The following KALRN variants were observed in gnomAD, a reference collection of about 807,000 sequenced individuals.
KALRN encodes kalirin RhoGEF kinase, also known as kalirin.
KALRN carries 70 observed loss-of-function variants against 353.7 expected under a neutral mutation model. The ratio of observed to expected loss-of-function variants is 0.20; its 90% CI spans 0.16 to 0.24. The LOEUF (loss-of-function observed/expected upper bound fraction) is 0.24. KALRN is among the 10% of genes least tolerant of loss of function. The probability of loss-of-function intolerance (pLI) is 1.00; values close to 1 mark genes in which losing one functional copy is unlikely to be tolerated. For missense variants in KALRN, 2,791 were observed against 3,756.7 expected, an observed-to-expected ratio of 0.74 and a Z score of 6.72; for synonymous variants, 1,391 against 1,434.8, an observed-to-expected ratio of 0.97 and a Z score of 0.69.
chr3:124,463,074 TG>T (rs888010267), intron 25 of KALRN, among the ~76,000 whole-genome samples: 36 of 152,316 alleles, frequency 2.4e-4, no homozygotes, highest in Non-Finnish European at 4.3e-4. Context: ...CTTGACAGTT[TG>T]GAGGGAAGGA....
chr3:124,464,186 C>T (rs2060114420), intron 25 of KALRN, among the ~76,000 whole-genome samples: 1 of 152,180 alleles, frequency 6.6e-6, no homozygotes, highest in Admixed American at 6.6e-5. Context: ...TGTTACCTTA[C>T]TTTTCTGGCT....
Position 124,380,276 on chromosome 3 carries a change from A to G in KALRN, c.1771-4569A>G, listed in dbSNP as rs563132807. Among the ~76,000 whole-genome samples the G allele has an allele frequency of 2.6e-5, 4 of 152,344 alleles. No homozygotes were observed. In the South Asian group the frequency reaches 8.3e-4, roughly 32 times the overall value. ...TATTGCTGGAATTCAGAGACAAATTATCCTAGAATGTTCTGTTTCTTCCCT... is the reference window on the plus strand; with the variant it reads ...TATTGCTGGAATTCAGAGACAAATTGTCCTAGAATGTTCTGTTTCTTCCCT... On this transcript the variant is annotated intron_variant, in intron 10 of 59. Transcript: ENST00000682506.
chr3:124,473,824 T>G (rs2061178825), intron 25 of KALRN, among the ~76,000 whole-genome samples: 1 of 152,196 alleles, frequency 6.6e-6, no homozygotes, highest in South Asian at 2.1e-4. Flanking sequence ...TGTCAAATTG[T>G]TCCTTGTAAA....
intron 53 of KALRN, 108 bp downstream of exon 53, chr3:124,694,611 G>A: frequency 1.9e-6 from 2 of 1,072,364 alleles, no homozygotes; most frequent in Non-Finnish European, 1.4e-6. Flanking sequence ...CTCTGCAAGA[G>A]AATAGCTGCC....
intron 34 of KALRN, among the ~76,000 whole-genome samples, chr3:124,591,026 T>C (rs1202423086): frequency 1.3e-5 from 2 of 152,222 alleles, no homozygotes; most frequent in African/African-American, 4.8e-5. Flanking sequence ...GTAGAGATAG[T>C]ACCCAAACTC....
intron 38 of KALRN, among the ~76,000 whole-genome samples, chr3:124,653,160 G>A (rs1029905346): frequency 6.6e-6 from 1 of 152,140 alleles, no homozygotes. Flanking sequence ...GTGTTTCACT[G>A]TAAACCATAT....
At chr3:124,701,702 G>A (rs1442324900) in intron 56 of KALRN, among the ~76,000 whole-genome samples, 2 of 151,884 alleles carry the variant, frequency 1.3e-5, no homozygotes, top group South Asian at 2.1e-4. Context: ...TGATTTTCAC[G>A]AGCTTTTCTA....
At position 124,455,260 on chromosome 3, in the gene KALRN, G is replaced by A; in HGVS notation, c.3636G>A (p.Arg1212=). The A allele has an allele frequency of 6.2e-7, 1 of 1,614,204 alleles. No homozygotes were observed. Among genetic ancestry groups the A allele is most frequent in the Non-Finnish European group, 8.5e-7 (1 of 1,180,018 alleles). The change falls in exon 22 of 60, where the codon AGG becomes AGA. Residue 1212 remains arginine (R), a synonymous_variant. Coordinates refer to ENST00000682506, the MANE Select transcript of KALRN (RefSeq NM_001388419.1). ...GCCACATTCATGCCACGGAGATAAG[G>A]AAATGGGTGACCACGGTGGACAAGC... ...EKGHIHATEI[R]KWVTTVDKHY... is the part of the protein sequence containing the mutation.
chr3:124,529,782 A>C (rs936532007), intron 33 of KALRN, among the ~76,000 whole-genome samples: 1 of 151,746 alleles, frequency 6.6e-6, no homozygotes, highest in African/African-American at 2.4e-5. Context: ...AGAATGGAAA[A>C]TGGGAAGATG....
intron 1 of KALRN, among the ~76,000 whole-genome samples, chr3:124,037,274 T>TA (rs1158783594): frequency 6.6e-6 from 1 of 152,238 alleles, no homozygotes. Context: ...GTTGTGGTGC[T>TA]ATAAGTTAAA....
intron 10 of KALRN, among the ~76,000 whole-genome samples, chr3:124,360,912 A>AT (rs2083967029): frequency 6.6e-6 from 1 of 152,222 alleles, no homozygotes; most frequent in African/African-American, 2.4e-5. Flanking sequence ...TCACAAGACT[A>AT]TTTTGCCTTC....
In KALRN at chr3:124,329,892, T is replaced by C. The variant is rs768685899; in HGVS notation, c.1316T>C (p.Met439Thr). The C allele has an allele frequency of 1.9e-6, 3 of 1,613,820 alleles. No individual in the cohort carries two copies. Among genetic ancestry groups the C allele is most frequent in the South Asian group, 1.1e-5 (1 of 91,060 alleles). Residue 439 changes from methionine to threonine, a missense_variant, in exon 8 of 60, where the codon ATG becomes ACG. This residue lies in a region of KALRN where 366 missense variants were observed against 489.2 expected (regional missense o/e 0.75). Transcript: ENST00000682506. ...TCGGGAGTGGATGCCTGGTGCAAGATGTGCAGTGAAGGTGGTCTGCCATCC... is the reference window on the plus strand; with the variant it reads ...TCGGGAGTGGATGCCTGGTGCAAGACGTGCAGTGAAGGTGGTCTGCCATCC... ...FLSGVDAWCK[M>T]CSEGGLPSEM...
chr3:124,259,574 G>T (rs1020327898), intron 3 of KALRN, among the ~76,000 whole-genome samples: 2 of 152,184 alleles, frequency 1.3e-5, no homozygotes, highest in African/African-American at 4.8e-5. Flanking sequence ...TCCACAGTAA[G>T]TAAATGATGG....
At chr3:124,339,561 C>T (rs952118752) in intron 9 of KALRN, among the ~76,000 whole-genome samples, 1 of 152,156 alleles carries the variant, frequency 6.6e-6, no homozygotes, top group East Asian at 1.9e-4. Context: ...GTGGTACAGG[C>T]AGCCTAGGAG....
At chr3:124,463,202 T>C (rs971022602) in intron 25 of KALRN, among the ~76,000 whole-genome samples, 1 of 152,228 alleles carries the variant, frequency 6.6e-6, no homozygotes, top group African/African-American at 2.4e-5. Flanking sequence ...AAACAGCATG[T>C]TCCATGGTTA....
intron 32 of KALRN, among the ~76,000 whole-genome samples, chr3:124,495,990 T>TATATATATATATATAC (rs2063756448): frequency 5.1e-5 from 3 of 58,502 alleles, no homozygotes; most frequent in African/African-American, 2.6e-4. Context: ...TATATATATA[T>TATATATATATATATAC]ATATATATAT....
intron 51 of KALRN, among the ~76,000 whole-genome samples, chr3:124,686,937 T>A (rs1249992628): frequency 6.8e-6 from 1 of 146,932 alleles, no homozygotes; most frequent in Non-Finnish European, 1.5e-5. Flanking sequence ...ACCCTCAGCC[T>A]CCTGAATATC....
At chr3:124,504,348 C>T (rs1577517828) in intron 33 of KALRN, among the ~76,000 whole-genome samples, 1 of 152,088 alleles carries the variant, frequency 6.6e-6, no homozygotes, top group African/African-American at 2.4e-5. Flanking sequence ...TAACAGCAGA[C>T]CTAAGATTCA....
At chr3:124,197,940 G>A (rs2075599668) in intron 1 of KALRN, among the ~76,000 whole-genome samples, 1 of 152,134 alleles carries the variant, frequency 6.6e-6, no homozygotes, top group Non-Finnish European at 1.5e-5. Context: ...CTCTTATGGT[G>A]CACACTTAGT....
Sources: gnomAD v4.1 joint callset for allele counts (sites outside exome capture counted in the v4.1 genomes callset) on GRCh38, gnomAD v4.1.1 for gene constraint, gnomAD v4.1.1 regional missense constraint, MANE v1.5 for transcripts, NCBI Gene and HGNC (gene_info 2026-07-23, HGNC 2026-07-21) for gene names.